The following PPP6R1 variants were observed in gnomAD, a reference collection of about 807,000 sequenced individuals.
PPP6R1 encodes the protein protein phosphatase 6 regulatory subunit 1, also known as serine/threonine-protein phosphatase 6 regulatory subunit 1.
PPP6R1 carries 39 observed loss-of-function variants against 104.6 expected under a neutral mutation model. The observed-to-expected ratio is 0.37, with a 90% CI of 0.29 to 0.49. The LOEUF (loss-of-function observed/expected upper bound fraction) is 0.49. Among genes scored for constraint, PPP6R1 ranks in the 20% least tolerant of loss-of-function variants. The pLI, the probability that PPP6R1 is intolerant of heterozygous loss-of-function variation, is 0.98. For synonymous variants in PPP6R1, 549 were observed against 479.0 expected (o/e 1.15, Z -1.91); for missense variants, 1,181 against 1,155.8 (o/e 1.02, Z -0.32).
chr19:55,235,798 G>A (rs1164610067), intron 17 of PPP6R1, among the ~76,000 whole-genome samples: 3 of 150,682 alleles, frequency 2.0e-5, no homozygotes, highest in East Asian at 2.0e-4. Flanking sequence ...GATTACAGGC[G>A]TGAGCCACCG....
chr19:55,239,801 T>A, intron 13 of PPP6R1, 25 bp downstream of exon 13: 3 of 1,609,642 alleles, frequency 1.9e-6, no homozygotes, highest in Non-Finnish European at 2.5e-6. Flanking sequence ...GCAGGAGGAG[T>A]GCAGGAAGAG....
At chr19:55,234,354 A>G (rs2087375885) in intron 17 of PPP6R1, among the ~76,000 whole-genome samples, 1 of 152,232 alleles carries the variant, frequency 6.6e-6, no homozygotes, top group Admixed American at 6.5e-5. Context: ...GGGAAGAAAC[A>G]AACTCATACA....
chr19:55,231,956 G>C lies in PPP6R1; in HGVS notation c.2152C>G (p.Pro718Ala). 9 of 1,595,608 alleles carry C rather than the reference G, an allele frequency of 5.6e-6. No individual in the cohort carries two copies. Among genetic ancestry groups the C allele is most frequent in the Admixed American group, 1.7e-5 (1 of 58,728 alleles). ...PGPSWTATFDPVPTDAPTSPR... is the reference protein window; with the variant it reads ...PGPSWTATFDAVPTDAPTSPR... ...CTGGTCGGGGCATCTGTAGGCACTG[G>C]GTCAAAGGTGGCTGTCCAGCTGGGG... Residue 718 changes from proline (P) to alanine (A), a missense_variant, in exon 19 of 24, where the codon CCA becomes GCA. Physicochemically the swap from Pro to Ala is conservative, Grantham distance 27. Around this residue, in one of 2 missense-constraint regions of PPP6R1, gnomAD observed 1,042 missense variants for 955.6 expected, o/e 1.09. Transcript: ENST00000412770.
intron 17 of PPP6R1, 184 bp downstream of exon 17, chr19:55,236,459 C>G: frequency 1.5e-6 from 1 of 663,132 alleles, no homozygotes. Context: ...ATGAGCCCAC[C>G]ATGCTTGGCC....
intron 5 of PPP6R1, among the ~76,000 whole-genome samples, chr19:55,243,404 C>CAAAAAAAAAAAAAAAAAAA (rs58375899): frequency 2.0e-4 from 10 of 49,140 alleles, no homozygotes; most frequent in African/African-American, 7.1e-4. Flanking sequence ...GACTCCATCT[C>CAAAAAAAAAAAAAAAAAAA]AAAAAAAAAA....
chr19:55,249,521 A>G (rs1484025588), intron 1 of PPP6R1, among the ~76,000 whole-genome samples: 1 of 151,990 alleles, frequency 6.6e-6, no homozygotes, highest in Non-Finnish European at 1.5e-5. Context: ...GATTACAGGC[A>G]TGAGCCACCA....
Position 55,240,233 on chromosome 19 carries a change from C to T in PPP6R1, c.1361+3G>A. 3.8e-6 allele frequency: 6 copies of T among 1,587,834 alleles called. No homozygotes were observed. The highest frequency in any genetic ancestry group is 5.1e-6 in the Non-Finnish European group (6 of 1,167,626). ...GGAGACATGAAGGGCAGCAGGTGCT[C>T]ACTGTACACGGTCGTTCTCCTCCCA... is the stretch of plus-strand genomic sequence containing the variant. On this transcript the variant is annotated splice_donor_region_variant and intron_variant, in intron 11 of 23. Transcript: ENST00000412770.
chr19:55,253,936 T>A (rs1374432659), intron 1 of PPP6R1, among the ~76,000 whole-genome samples: 1 of 152,192 alleles, frequency 6.6e-6, no homozygotes, highest in Non-Finnish European at 1.5e-5. Context: ...GGCGGGCTGC[T>A]GTGAAAAGGC....
At chr19:55,255,033 C>T (rs550368463) in intron 1 of PPP6R1, among the ~76,000 whole-genome samples, 5 of 152,294 alleles carry the variant, frequency 3.3e-5, no homozygotes, top group East Asian at 3.9e-4. Flanking sequence ...GAAGGGGGAG[C>T]GGCCCAAGGC....
At chr19:55,236,011 G>A (rs1022401220) in intron 17 of PPP6R1, among the ~76,000 whole-genome samples, 1 of 151,444 alleles carries the variant, frequency 6.6e-6, no homozygotes, top group African/African-American at 2.4e-5. Flanking sequence ...GGTAATTTTT[G>A]TAGAGACAGG....
chr19:55,240,756 G>A (rs373365509), intron 10 of PPP6R1, among the ~76,000 whole-genome samples, 189 bp downstream of exon 10: 48 of 152,284 alleles, frequency 3.2e-4, no homozygotes, highest in African/African-American at 1.1e-3. Context: ...GGAGCCCACT[G>A]CTCCCTGCAC....
At chr19:55,228,888 C>T (rs562710088), downstream of PPP6R1, 5 of 817,470 alleles carry the variant, frequency 6.1e-6, no homozygotes, top group East Asian at 1.4e-4. Context: ...TTGTCCTCAC[C>T]CTGGGGATGG....
chr19:55,232,305 C>A, intron 17 of PPP6R1, 94 bp from the exon 18 acceptor site: 1 of 1,445,412 alleles, frequency 6.9e-7, no homozygotes, highest in East Asian at 2.5e-5. Context: ...CCAAGGAGAG[C>A]GGGCTGGGAT....
intron 1 of PPP6R1, among the ~76,000 whole-genome samples, chr19:55,256,979 G>A (rs1005882300): frequency 6.6e-6 from 1 of 151,408 alleles, no homozygotes; most frequent in Non-Finnish European, 1.5e-5. Flanking sequence ...CCAAGGTCTC[G>A]CTTGGCAGAA....
At chr19:55,235,246 G>C (rs4806653) in intron 17 of PPP6R1, among the ~76,000 whole-genome samples, 139,134 of 151,690 alleles carry the variant, frequency 0.92, 63,877 homozygotes, top group Middle Eastern at 0.94. Flanking sequence ...GCACTAAAAT[G>C]TCATCACAGC....
chr19:55,245,255 C>T lies in PPP6R1; in HGVS notation c.552+10G>A, dbSNP rs753262997. On this transcript the variant is annotated intron_variant, in intron 4 of 23. Coordinates refer to ENST00000412770, the MANE Select transcript of PPP6R1 (RefSeq NM_014931.4). The surrounding 1 kb of genome is among the most constrained non-coding windows in gnomAD (Gnocchi z 6.4). ...AGCCCCCCACCCCCAGAGGAGCCGG[C>T]CCTGCTCACATTGACAACATCCTGC... 6.3e-7 allele frequency: 1 copy of T among 1,596,384 alleles called. No homozygotes were observed. Among genetic ancestry groups the T allele is most frequent in the Non-Finnish European group, 8.5e-7 (1 of 1,171,890 alleles).
Position 55,245,099 on chromosome 19 carries a change from A to AT in PPP6R1, c.618+20_618+21insA, listed in dbSNP as rs754794446. The AT allele has an allele frequency of 2.5e-5, 41 of 1,612,162 alleles. No homozygotes were observed. In the Admixed American group the frequency reaches 5.9e-4, roughly 23 times the overall value. ...GGAAGGAACTCTAAGGGGAATCCGCAGGGGCATCGGCAGCACTCACATTCT... is the reference window on the plus strand; with the variant it reads ...GGAAGGAACTCTAAGGGGAATCCGCATGGGGCATCGGCAGCACTCACATTCT... On this transcript the variant is annotated intron_variant, in intron 5 of 23. Transcript: ENST00000412770. The surrounding 1 kb of genome is among the most constrained non-coding windows in gnomAD (Gnocchi z 6.4).
rs1334706894 is a variant in PPP6R1 at position 55,258,665 on chromosome 19, T to G, written c.-237A>C. On this transcript the variant is annotated 5_prime_UTR_variant, in exon 1 of 24. Transcript: ENST00000412770. The stretch of plus-strand genomic sequence containing the variant: ...TTGAGGGGGTCAGCGCCGGGTGGAG[T>G]TGCCGACGGGCGGGGGGCGTCACTA... 1 of 148,216 alleles carries G rather than the reference T, an allele frequency of 6.7e-6. No individual in the cohort carries two copies. The highest frequency in any genetic ancestry group is 2.5e-5 in the African/African-American group (1 of 39,778). The allele number at this position is 148,216 out of a possible 1,614,324, so 9.2% of individuals were successfully genotyped here.
chr19:55,248,651 G>A (rs773732131), intron 1 of PPP6R1, among the ~76,000 whole-genome samples: 28 of 152,100 alleles, frequency 1.8e-4, no homozygotes, highest in Non-Finnish European at 3.5e-4. Flanking sequence ...CCATCTCCTC[G>A]AGCCCTGCTG....
Sources: gnomAD v4.1 joint callset for allele counts (sites outside exome capture counted in the v4.1 genomes callset) on GRCh38, gnomAD v4.1.1 for gene constraint, gnomAD v4.1.1 regional missense constraint, Gnocchi (gnomAD v3.1) non-coding constraint, MANE v1.5 for transcripts, NCBI Gene and HGNC (gene_info 2026-07-23, HGNC 2026-07-21) for gene names.